The following GPALPP1 variants were observed in gnomAD, a reference collection of about 807,000 sequenced individuals.
The protein encoded by GPALPP1 is GPALPP motifs-containing protein 1.
In GPALPP1, 30 loss-of-function variants were observed where a neutral mutation model predicts 38.9. The ratio of observed to expected loss-of-function variants is 0.77; its 90% CI spans 0.58 to 1.05. The LOEUF is 1.05. Among genes scored for constraint, GPALPP1 ranks in the 50% least tolerant of loss-of-function variants. The pLI, the probability that GPALPP1 is intolerant of heterozygous loss-of-function variation, is 0.00. For missense variants in GPALPP1, 384 were observed against 408.8 expected, an observed-to-expected ratio of 0.94 and a Z score of 0.52; for synonymous variants, 120 against 139.2, an observed-to-expected ratio of 0.86 and a Z score of 0.97.
intron 2 of GPALPP1, 27 bp downstream of exon 2, chr13:45,004,464 T>C: frequency 1.3e-6 from 2 of 1,553,866 alleles, no homozygotes; most frequent in Non-Finnish European, 1.8e-6. Context: ...AATTAAATGA[T>C]AGACCAAACT....
In GPALPP1 at chr13:45,004,380, C is replaced by A. The variant is rs1231720927; in HGVS notation, c.164C>A (p.Ser55Tyr). ...TCAGACAGCGATGAAGACAGTAGTT[C>A]TTTGTACGAAGAAGGAAATCAAGAA... is the stretch of plus-strand genomic sequence containing the variant. The part of the protein sequence containing the change: ...DSSDSDEDSS[S>Y]LYEEGNQESE... The change falls in exon 2 of 8, where the codon TCT becomes TAT. Residue 55 changes from serine to tyrosine, a missense_variant. Physicochemically the swap from Ser to Tyr is moderately radical, Grantham distance 144. Coordinates refer to ENST00000379151, the MANE Select transcript of GPALPP1 (RefSeq NM_018559.5). 1.2e-6 allele frequency: 2 copies of A among 1,607,112 alleles called. No homozygotes were observed. Among genetic ancestry groups the A allele is most frequent in the South Asian group, 2.2e-5 (2 of 90,950 alleles).
At chr13:45,031,319 ATTAAT>A (rs1240095610), downstream of GPALPP1, 4 of 152,184 alleles carry the variant, frequency 2.6e-5, no homozygotes, top group African/African-American at 9.6e-5. Flanking sequence ...TCTCCATTGC[ATTAAT>A]TTAATTTTGT....
intron 1 of GPALPP1, among the ~76,000 whole-genome samples, chr13:44,999,036 A>G (rs1873484126): frequency 6.6e-6 from 1 of 152,250 alleles, no homozygotes; most frequent in African/African-American, 2.4e-5. Context: ...TATGTGTACA[A>G]CAAGAAGGAA....
downstream of GPALPP1, chr13:45,034,406 A>T (rs1214857246): frequency 6.6e-6 from 1 of 152,254 alleles, no homozygotes; most frequent in Non-Finnish European, 1.5e-5. Flanking sequence ...GACTAGAACA[A>T]GTAGTTGAGG....
At chr13:44,996,280 A>G (rs1220162145) in intron 1 of GPALPP1, among the ~76,000 whole-genome samples, 4 of 151,822 alleles carry the variant, frequency 2.6e-5, no homozygotes, top group Non-Finnish European at 5.9e-5. Flanking sequence ...GCTTGAGCCC[A>G]GGAGTTTGAG....
At chr13:45,033,669 G>T (rs930704381), downstream of GPALPP1, 1 of 152,092 alleles carries the variant, frequency 6.6e-6, no homozygotes, top group Non-Finnish European at 1.5e-5. Flanking sequence ...GGCAGTATTG[G>T]TAAAGAGAAT....
At chr13:44,994,855 A>AT (rs1484990629) in intron 1 of GPALPP1, among the ~76,000 whole-genome samples, 83 of 150,658 alleles carry the variant, frequency 5.5e-4, no homozygotes, top group African/African-American at 1.5e-3. Context: ...GAGAGAGAGC[A>AT]TTTTATTTTT....
intron 6 of GPALPP1, among the ~76,000 whole-genome samples, chr13:45,018,994 TATATATAC>T (rs1310339198): frequency 1.7e-4 from 1 of 5,864 alleles, no homozygotes; most frequent in Non-Finnish European, 1.1e-3. Flanking sequence ...TACATATAAA[TATATATAC>T]ATATAAATAT....
chr13:44,994,873 G>A (rs1873132723), intron 1 of GPALPP1, among the ~76,000 whole-genome samples: 1 of 150,402 alleles, frequency 6.6e-6, no homozygotes, highest in South Asian at 2.1e-4. Context: ...TTTTTTTTGA[G>A]ACGGAGTTTC....
intron 1 of GPALPP1, among the ~76,000 whole-genome samples, chr13:44,996,731 C>G (rs1873306490): frequency 6.6e-6 from 1 of 151,192 alleles, no homozygotes; most frequent in Non-Finnish European, 1.5e-5. Flanking sequence ...GATCCATCTG[C>G]CTCAGCCTCC....
intron 1 of GPALPP1, 66 bp downstream of exon 1, chr13:44,989,808 C>A: frequency 7.7e-7 from 1 of 1,294,008 alleles, no homozygotes; most frequent in Non-Finnish European, 1.1e-6. Flanking sequence ...GCCCTGCTCG[C>A]TGAAGAAAGT....
chr13:45,024,527 G>A (rs1456455245), intron 7 of GPALPP1, among the ~76,000 whole-genome samples: 1 of 151,512 alleles, frequency 6.6e-6, no homozygotes, highest in Non-Finnish European at 1.5e-5. Context: ...TTGAACTCCT[G>A]ACCTCAGGTC....
downstream of GPALPP1, chr13:45,032,117 C>T (rs1454230670): frequency 1.3e-5 from 2 of 152,080 alleles, no homozygotes; most frequent in Middle Eastern, 3.4e-3. Context: ...GGTAAGTAAA[C>T]GGTGGGGTTA....
rs1593402637 is a variant in GPALPP1 at position 45,019,096 on chromosome 13, T to TACATATAA, written c.706-1233_706-1232insCATATAAA. Among the ~76,000 whole-genome samples, 12 of 135,492 alleles carry TACATATAA rather than the reference T, an allele frequency of 8.9e-5. 1 individual carries two copies. In the East Asian group the frequency reaches 2.2e-3, roughly 25 times the overall value. The allele number at this position is 135,492 out of a possible 152,430, so 88.9% of individuals were successfully genotyped here. On this transcript the variant is annotated intron_variant, in intron 6 of 7. Coordinates refer to ENST00000379151, the MANE Select transcript of GPALPP1 (RefSeq NM_018559.5). Reference sequence around the variant, plus strand: ...ATATACATATAAATATATGTATATATATTTATATATATTTATATGTATATA... The same window carrying TACATATAA: ...ATATACATATAAATATATGTATATATACATATAAATTTATATATATTTATATGTATATA...
intron 7 of GPALPP1, among the ~76,000 whole-genome samples, chr13:45,022,726 T>C (rs1263303510): frequency 3.9e-5 from 6 of 152,244 alleles, no homozygotes; most frequent in East Asian, 1.9e-4. Context: ...TACAAACCCA[T>C]CTTATTCAAA....
chr13:45,003,303 C>A (rs1873822944), intron 1 of GPALPP1, among the ~76,000 whole-genome samples: 1 of 152,090 alleles, frequency 6.6e-6, no homozygotes, highest in Non-Finnish European at 1.5e-5. Context: ...ATTCATAACA[C>A]CTAAGAACTC....
chr13:45,022,594 T>C lies in GPALPP1; in HGVS notation c.804+2166T>C, dbSNP rs888688261. Among the ~76,000 whole-genome samples the C allele has an allele frequency of 2.0e-5, 3 of 152,312 alleles. 1 individual carries two copies. The highest frequency in any genetic ancestry group is 4.1e-4 in the South Asian group (2 of 4,830). On this transcript the variant is annotated intron_variant, in intron 7 of 7. Coordinates refer to ENST00000379151, the MANE Select transcript of GPALPP1 (RefSeq NM_018559.5). ...ATACTTTCTATTCAAAGTATTAATA[T>C]AGTCTTAAGACTAAGCCACTCTAGA...
intron 4 of GPALPP1, among the ~76,000 whole-genome samples, chr13:45,011,224 A>G (rs1874452403): frequency 6.6e-6 from 1 of 152,140 alleles, no homozygotes; most frequent in Admixed American, 6.5e-5. Context: ...TGAGGAAAGT[A>G]GGTAAGAGCT....
chr13:45,008,951 C>T (rs751575980), intron 4 of GPALPP1, 72 bp downstream of exon 4: 5 of 887,928 alleles, frequency 5.6e-6, no homozygotes, highest in Non-Finnish European at 9.4e-6. Context: ...TTGTAACAAA[C>T]TCCAAACTTT....
Sources: allele counts gnomAD v4.1 joint callset (sites outside exome capture counted in the v4.1 genomes callset), GRCh38; gene constraint gnomAD v4.1.1; transcripts MANE v1.5; gene names NCBI Gene and HGNC (gene_info 2026-07-23, HGNC 2026-07-21).